Variants in KIF13A observed in about 807,000 individuals in gnomAD.
KIF13A encodes the protein kinesin family member 13A.
Under a neutral mutation model 212.2 loss-of-function variants are expected in KIF13A, and 79 were observed. That is an observed-to-expected ratio of 0.37 (90% CI 0.31 to 0.45). The LOEUF (loss-of-function observed/expected upper bound fraction) is 0.45. KIF13A is among the 20% of genes least tolerant of loss of function. KIF13A has a pLI of 1.00. For synonymous variants in KIF13A, 789 were observed against 808.6 expected (o/e 0.98, Z 0.41); for missense variants, 1,901 against 2,209.0 (o/e 0.86, Z 2.79).
chr6:17,895,350 T>A lies in KIF13A; in HGVS notation c.159+2818A>T, dbSNP rs1324385829. 6.6e-6 allele frequency among the ~76,000 whole-genome samples: 1 copy of A among 152,238 alleles called. No individual in the cohort carries two copies. Among genetic ancestry groups the A allele is most frequent in the Non-Finnish European group, 1.5e-5 (1 of 68,038 alleles). On this transcript the variant is annotated intron_variant, in intron 3 of 38. Coordinates refer to ENST00000259711, the MANE Select transcript of KIF13A (RefSeq NM_022113.6). This position sits in a 1 kb window ranked among gnomAD's most constrained non-coding sequence, Gnocchi z 4.4. ...TTAACTTTGATGGTGTATTGGACAT[T>A]GTATTTTTAAAACAGTTTGTGGAAT... is the stretch of plus-strand genomic sequence containing the variant.
intron 4 of KIF13A, among the ~76,000 whole-genome samples, chr6:17,865,396 G>A (rs1269571284): frequency 1.3e-5 from 2 of 152,110 alleles, no homozygotes; most frequent in African/African-American, 4.8e-5. Flanking sequence ...ATTTGTGAGG[G>A]TGTTTTTTCA....
intron 12 of KIF13A, among the ~76,000 whole-genome samples, chr6:17,831,912 A>T (rs1009034602): frequency 5.3e-5 from 8 of 151,930 alleles, no homozygotes; most frequent in African/African-American, 1.9e-4. Flanking sequence ...ACTGAACCCA[A>T]TGAAGTCCCG....
At chr6:17,781,623 GTTTTTTT>G (rs776138365) in intron 29 of KIF13A, among the ~76,000 whole-genome samples, 4 of 107,090 alleles carry the variant, frequency 3.7e-5, no homozygotes, top group African/African-American at 1.0e-4. Flanking sequence ...CTGTACTTGG[GTTTTTTT>G]TTTTTTTTTT....
intron 2 of KIF13A, among the ~76,000 whole-genome samples, chr6:17,948,580 T>TTTTTTTC (rs766779438): frequency 1.4e-5 from 2 of 147,126 alleles, no homozygotes; most frequent in African/African-American, 2.5e-5. Context: ...TTTTTTTTTT[T>TTTTTTTC]TGAGACAAGT....
intron 2 of KIF13A, among the ~76,000 whole-genome samples, chr6:17,975,506 C>G (rs943271586): frequency 3.1e-4 from 47 of 151,734 alleles, no homozygotes; most frequent in African/African-American, 1.1e-3. Context: ...AATGTAGGCC[C>G]AAAAAGGGAG....
intron 2 of KIF13A, among the ~76,000 whole-genome samples, chr6:17,905,570 T>C (rs1199820125): frequency 2.0e-5 from 3 of 152,142 alleles, no homozygotes; most frequent in Non-Finnish European, 4.4e-5. Context: ...TATACATATA[T>C]CACAAAACAA....
rs143514908 is a variant in KIF13A, at chr6:17,795,713, C to T, written c.2942+956G>A. Reference sequence around the variant, plus strand: ...GGTCATAAAAGAGGCAAATGATCAACTTGATAAGAAACTGCCAGTCCTCCC... The same window carrying T: ...GGTCATAAAAGAGGCAAATGATCAATTTGATAAGAAACTGCCAGTCCTCCC... On this transcript the variant is annotated intron_variant, in intron 23 of 38. Transcript: ENST00000259711. 3.1e-3 allele frequency among the ~76,000 whole-genome samples: 470 copies of T among 152,138 alleles called. 2 individuals are homozygous for T. The highest frequency in any genetic ancestry group is 0.014 in the Middle Eastern group (4 of 294).
rs1407841613 is a variant in KIF13A, at chr6:17,769,183, A to T, written c.4581+1931T>A. On this transcript the variant is annotated intron_variant, in intron 38 of 38. Transcript: ENST00000259711. This position sits in a 1 kb window ranked among gnomAD's most constrained non-coding sequence, Gnocchi z 5.8. ...AAAACAGTCTGTACCCATTTATAAG[A>T]GAAAAAACAAAATTAAAGTTTCCCA... Among the ~76,000 whole-genome samples the T allele has an allele frequency of 1.3e-5, 2 of 152,220 alleles. No homozygotes were observed. Among genetic ancestry groups the T allele is most frequent in the Non-Finnish European group, 2.9e-5 (2 of 68,044 alleles).
chr6:17,764,250 T>C lies in KIF13A; in HGVS notation c.5278A>G (p.Ser1760Gly). Residue 1760 changes from serine to glycine, a missense_variant, in exon 39 of 39, where the codon AGT (serine) becomes GGT (glycine). Coordinates refer to ENST00000259711, the MANE Select transcript of KIF13A (RefSeq NM_022113.6). The surrounding 1 kb of genome is among the most constrained non-coding windows in gnomAD (Gnocchi z 5.1). The stretch of plus-strand genomic sequence containing the variant: ...GTTTTATTTGGTAGACTCCTCCTAC[T>C]GGAAAGCTCTCCAGCAGAAGAATCT... The part of the protein sequence containing the change: ...LTDSSAGELS[S>G]RRSLPNKTGG... 6.2e-7 allele frequency: 1 copy of C among 1,614,042 alleles called. No homozygotes were observed. The highest frequency in any genetic ancestry group is 8.5e-7 in the Non-Finnish European group (1 of 1,179,894).
chr6:17,931,842 T>C (rs764850609), intron 2 of KIF13A, among the ~76,000 whole-genome samples: 1 of 152,152 alleles, frequency 6.6e-6, no homozygotes, highest in Non-Finnish European at 1.5e-5. Flanking sequence ...GCAGAAAGTA[T>C]AAAAGAAAAA....
intron 17 of KIF13A, among the ~76,000 whole-genome samples, chr6:17,815,091 G>A (rs968885441): frequency 1.1e-4 from 17 of 152,182 alleles, no homozygotes; most frequent in Non-Finnish European, 2.1e-4. Context: ...CAAGTCATGT[G>A]TCCACTGGAC....
At position 17,963,231 on chromosome 6, in the gene KIF13A, A is replaced by G. The variant is rs971007110; in HGVS notation, c.146+23823T>C. On this transcript the variant is annotated intron_variant, in intron 2 of 38. Transcript: ENST00000259711. The surrounding 1 kb of genome is among the most constrained non-coding windows in gnomAD (Gnocchi z 4.1). Reference sequence around the variant, plus strand: ...TGGGGAGTTCAAGACCAGCCTGGCCAACATGGCGAAGCTCCGTCTCTACTA... The same window carrying G: ...TGGGGAGTTCAAGACCAGCCTGGCCGACATGGCGAAGCTCCGTCTCTACTA... 1.3e-5 allele frequency among the ~76,000 whole-genome samples: 2 copies of G among 152,184 alleles called. 1 individual carries two copies. The highest frequency in any genetic ancestry group is 2.9e-5 in the Non-Finnish European group (2 of 68,046).
At chr6:17,976,467 G>A (rs1046857363) in intron 2 of KIF13A, among the ~76,000 whole-genome samples, 1 of 152,218 alleles carries the variant, frequency 6.6e-6, no homozygotes, top group African/African-American at 2.4e-5. Flanking sequence ...GGCAAGGCCG[G>A]CTGGCTGCTC....
intron 2 of KIF13A, among the ~76,000 whole-genome samples, chr6:17,910,734 T>TGAGAA (rs1773973789): frequency 2.6e-5 from 4 of 152,148 alleles, no homozygotes; most frequent in African/African-American, 9.7e-5. Context: ...CACCACAGGG[T>TGAGAA]TTCTAATAAA....
chr6:17,959,606 T>C (rs763156634), intron 2 of KIF13A, among the ~76,000 whole-genome samples: 2 of 152,222 alleles, frequency 1.3e-5, no homozygotes, highest in Non-Finnish European at 2.9e-5. Context: ...TATCAACAAG[T>C]AGAGAGTACT....
At position 17,831,222 on chromosome 6, in the gene KIF13A, T is replaced by C. The variant is rs757974953; in HGVS notation, c.1280A>G (p.Gln427Arg). ...TEEIAQERQRQLESMGISLEM... is the reference protein window; with the variant it reads ...TEEIAQERQRRLESMGISLEM... ...CAGGGAAATCCCCATGCTTTCAAGT[T>C]GTCGTTGTCTTTCCTGTGCACAAAA... Residue 427 changes from glutamine (Q) to arginine (R), a missense_variant, in exon 13 of 39, where the codon CAA (glutamine) becomes CGA (arginine). This residue lies in a region of KIF13A where 506 missense variants were observed against 637.4 expected (regional missense o/e 0.79). Coordinates refer to ENST00000259711, the MANE Select transcript of KIF13A (RefSeq NM_022113.6). The C allele has an allele frequency of 6.8e-6, 11 of 1,612,404 alleles. No individual in the cohort carries two copies. The highest frequency in any genetic ancestry group is 6.7e-5 in the Admixed American group (4 of 59,682).
intron 16 of KIF13A, among the ~76,000 whole-genome samples, chr6:17,817,759 T>C (rs540430993): frequency 4.6e-5 from 7 of 152,354 alleles, no homozygotes; most frequent in African/African-American, 1.7e-4. Context: ...ACAGCACATG[T>C]TTGAAAATAT....
rs1264427318 is a variant in KIF13A, at chr6:17,796,682, T to A, written c.2929A>T (p.Thr977Ser). The change falls in exon 23 of 39, where the codon ACA becomes TCA. Residue 977 changes from threonine (T) to serine (S), a missense_variant. Around this residue, in one of 5 missense-constraint regions of KIF13A, gnomAD observed 534 missense variants for 536.9 expected, o/e 0.99. Transcript: ENST00000259711. The part of the protein sequence containing the change: ...EVDSLHAKTR[T>S]LHDRWNEVTR... ...CCAAGTACAAACCTGTCATGCAGTG[T>A]TCTTGTCTTAGCATGAAGAGAATCG... is the stretch of plus-strand genomic sequence containing the variant. 6.4e-6 allele frequency: 10 copies of A among 1,564,474 alleles called. No homozygotes were observed. The East Asian group carries it at 2.4e-4, about 38-fold the overall frequency.
rs751533445 is a variant in KIF13A, at chr6:17,804,468, C to G, written c.2347G>C (p.Ala783Pro). The G allele has an allele frequency of 5.0e-6, 8 of 1,594,730 alleles. No individual in the cohort carries two copies. Among genetic ancestry groups the G allele is most frequent in the Non-Finnish European group, 6.8e-6 (8 of 1,170,060 alleles). ...YGKRGDPFYE[A>P]QENHNLIGVA... ...CCGATGAGGTTGTGATTTTCTTGGGCTTCATAGAAAGGGTCACCTCGTTTT... is the reference window on the plus strand; with the variant it reads ...CCGATGAGGTTGTGATTTTCTTGGGGTTCATAGAAAGGGTCACCTCGTTTT... Residue 783 changes from alanine (A) to proline (P), a missense_variant, in exon 20 of 39, where the codon GCC (alanine) becomes CCC (proline). Ala to Pro is a conservative substitution (Grantham distance 27). Around this residue, in one of 5 missense-constraint regions of KIF13A, gnomAD observed 534 missense variants for 536.9 expected, o/e 0.99. Transcript: ENST00000259711.
Sources: allele counts gnomAD v4.1 joint callset (sites outside exome capture counted in the v4.1 genomes callset), GRCh38; gene constraint gnomAD v4.1.1; regional missense constraint gnomAD v4.1.1; non-coding constraint Gnocchi (gnomAD v3.1); transcripts MANE v1.5; gene names NCBI Gene and HGNC (gene_info 2026-07-23, HGNC 2026-07-21).